Variants in SLC26A5 observed in about 807,000 individuals in gnomAD.
SLC26A5 encodes the protein solute carrier family 26 member 5, also known as prestin.
Under a neutral mutation model 81.0 loss-of-function variants are expected in SLC26A5, and 51 were observed. The ratio of observed to expected loss-of-function variants is 0.63; its 90% CI spans 0.50 to 0.80. The LOEUF is 0.80. SLC26A5 is among the 30% of genes least tolerant of loss of function. SLC26A5 has a pLI of 0.00. For synonymous variants in SLC26A5, 325 were observed against 332.8 expected (o/e 0.98, Z 0.25); for missense variants, 771 against 905.8 (o/e 0.85, Z 1.91).
At chr7:103,368,126 C>A in intron 19 of SLC26A5, 2 of 1,325,372 alleles carry the variant, frequency 1.5e-6, no homozygotes, top group South Asian at 1.6e-5. Context: ...ATAACCAATT[C>A]ATAAACAAAT....
At chr7:103,440,816 A>G (rs2116867641) in intron 2 of SLC26A5, among the ~76,000 whole-genome samples, 1 of 152,324 alleles carries the variant, frequency 6.6e-6, no homozygotes, top group East Asian at 1.9e-4. Context: ...TACAGAGGTA[A>G]AGAACTTTAC....
At chr7:103,392,357 A>G (rs1320151415) in intron 10 of SLC26A5, among the ~76,000 whole-genome samples, 2 of 152,218 alleles carry the variant, frequency 1.3e-5, no homozygotes, top group Non-Finnish European at 2.9e-5. Context: ...TTGTGGAGTT[A>G]GTGATGAATC....
intron 4 of SLC26A5, among the ~76,000 whole-genome samples, 200 bp downstream of exon 4, chr7:103,420,538 T>C (rs769740289): frequency 1.3e-5 from 2 of 152,118 alleles, no homozygotes; most frequent in Non-Finnish European, 2.9e-5. Flanking sequence ...CAGTCTCAAG[T>C]GATCCTCCCA....
At chr7:103,372,061 G>A (rs1006240695), downstream of SLC26A5, among the ~76,000 whole-genome samples, 6 of 152,216 alleles carry the variant, frequency 3.9e-5, no homozygotes, top group South Asian at 2.1e-4. Context: ...ATATTAGCTC[G>A]TTTACAAAAG....
intron 8 of SLC26A5, among the ~76,000 whole-genome samples, chr7:103,402,074 T>C (rs1456657308): frequency 1.3e-5 from 2 of 152,226 alleles, no homozygotes; most frequent in South Asian, 2.1e-4. Flanking sequence ...GCTGGCATCA[T>C]AAAATCAGTT....
intron 14 of SLC26A5, among the ~76,000 whole-genome samples, chr7:103,382,532 TAG>T (rs1821885777): frequency 6.6e-6 from 1 of 151,826 alleles, no homozygotes; most frequent in African/African-American, 2.4e-5. Flanking sequence ...GTATTTTTAA[TAG>T]AGACAGGGTT....
chr7:103,421,743 T>TA (rs1455260505), intron 2 of SLC26A5, among the ~76,000 whole-genome samples, 176 bp from the exon 3 acceptor site: 1 of 152,018 alleles, frequency 6.6e-6, no homozygotes, highest in African/African-American at 2.4e-5. Context: ...CAAAATCAAT[T>TA]AAAAAAACGT....
rs1423591741 is a variant in SLC26A5, at chr7:103,392,906, T to C, written c.1119+13A>G. 3.1e-6 allele frequency: 5 copies of C among 1,613,962 alleles called. No homozygotes were observed. Among genetic ancestry groups the C allele is most frequent in the South Asian group, 1.1e-5 (1 of 91,080 alleles). Reference sequence around the variant, plus strand: ...CTGCTATGAAACATGTGCAGGAAACTGATTATCTTTACCTGATTGCCGTCA... The same window carrying C: ...CTGCTATGAAACATGTGCAGGAAACCGATTATCTTTACCTGATTGCCGTCA... On this transcript the variant is annotated intron_variant, in intron 10 of 19. Coordinates refer to ENST00000306312, the MANE Select transcript of SLC26A5 (RefSeq NM_198999.3).
chr7:103,421,332 A>G (rs146536445), intron 3 of SLC26A5, 31 bp downstream of exon 3: 1 of 1,613,082 alleles, frequency 6.2e-7, no homozygotes, highest in Non-Finnish European at 8.5e-7. Context: ...TGAATGATAC[A>G]ATAACAGAAA....
At chr7:103,378,736 A>G (rs1394404442) in intron 16 of SLC26A5, among the ~76,000 whole-genome samples, 183 bp from the exon 17 acceptor site, 1 of 152,158 alleles carries the variant, frequency 6.6e-6, no homozygotes, top group Non-Finnish European at 1.5e-5. Context: ...AGCCTTTCTT[A>G]TTCTCAGTCT....
chr7:103,361,191 A>C (rs1820371466), intron 19 of SLC26A5, among the ~76,000 whole-genome samples: 1 of 148,064 alleles, frequency 6.8e-6, no homozygotes, highest in Non-Finnish European at 1.5e-5. Context: ...AACAATAAAA[A>C]TGGATTTAAA....
intron 8 of SLC26A5, among the ~76,000 whole-genome samples, chr7:103,402,770 T>C (rs1175310617): frequency 6.6e-6 from 1 of 152,156 alleles, no homozygotes; most frequent in African/African-American, 2.4e-5. Flanking sequence ...ATTTGATTCT[T>C]CTTATTAGTC....
intron 19 of SLC26A5, chr7:103,363,205 C>T: frequency 1.6e-6 from 1 of 637,518 alleles, no homozygotes; most frequent in Non-Finnish European, 2.7e-6. Flanking sequence ...AGTTCCAGGG[C>T]ACTGGGCAAT....
intron 2 of SLC26A5, among the ~76,000 whole-genome samples, chr7:103,437,855 G>A (rs7790690): frequency 0.39 from 59,138 of 152,110 alleles, 15,590 homozygotes; most frequent in African/African-American, 0.74. Flanking sequence ...TTTTGAGAGC[G>A]ATTGCACAGC....
chr7:103,399,018 A>G (rs2116549303), intron 8 of SLC26A5, among the ~76,000 whole-genome samples: 1 of 152,336 alleles, frequency 6.6e-6, no homozygotes, highest in East Asian at 1.9e-4. Context: ...AATTTTATAC[A>G]GTGGTTAAGT....
intron 2 of SLC26A5, among the ~76,000 whole-genome samples, chr7:103,425,741 T>G (rs1222364690): frequency 1.3e-5 from 2 of 152,214 alleles, no homozygotes; most frequent in African/African-American, 2.4e-5. Flanking sequence ...AATTTAGTAG[T>G]TAAAAGAGCT....
At chr7:103,353,621 T>C (rs536212569) in intron 19 of SLC26A5, among the ~76,000 whole-genome samples, 3 of 152,358 alleles carry the variant, frequency 2.0e-5, no homozygotes, top group South Asian at 2.1e-4. Flanking sequence ...TTGTATTTCA[T>C]TGTATGACTA....
chr7:103,396,770 T>C (rs1563539746), intron 9 of SLC26A5, among the ~76,000 whole-genome samples: 2 of 152,116 alleles, frequency 1.3e-5, no homozygotes, highest in Non-Finnish European at 2.9e-5. Flanking sequence ...AATGGGGATA[T>C]ATTTAACACT....
At chr7:103,417,368 C>CAAA (rs527355678) in intron 4 of SLC26A5, among the ~76,000 whole-genome samples, 58 of 65,818 alleles carry the variant, frequency 8.8e-4, no homozygotes, top group African/African-American at 2.8e-3. Context: ...GACTCTGTCT[C>CAAA]AAAAAAAAAA....
Sources: gnomAD v4.1 joint callset for allele counts (sites outside exome capture counted in the v4.1 genomes callset) on GRCh38, gnomAD v4.1.1 for gene constraint, MANE v1.5 for transcripts, NCBI Gene and HGNC (gene_info 2026-07-23, HGNC 2026-07-21) for gene names.